Variants in EPHA6 observed in about 807,000 individuals in gnomAD.
EPHA6 encodes EPH receptor A6, also known as ephrin type-A receptor 6.
Under a neutral mutation model 112.0 loss-of-function variants are expected in EPHA6, and 50 were observed. That is an observed-to-expected ratio of 0.45 (90% CI 0.36 to 0.56). EPHA6 has a LOEUF of 0.56. EPHA6 is among the 20% of genes least tolerant of loss of function. EPHA6 has a pLI of 0.00. For synonymous variants in EPHA6, 529 were observed against 490.7 expected (o/e 1.08, Z -1.03); for missense variants, 1,280 against 1,417.4 (o/e 0.90, Z 1.56).
At chr3:96,913,673 G>T (rs2039344723) in intron 2 of EPHA6, among the ~76,000 whole-genome samples, 1 of 152,018 alleles carries the variant, frequency 6.6e-6, no homozygotes. Context: ...CAAAGTGTCT[G>T]GTTTATTGCT....
At position 97,735,969 on chromosome 3, in the gene EPHA6, G is replaced by A. The variant is rs1471756525; in HGVS notation, c.2979G>A (p.Met993Ile). The A allele has an allele frequency of 6.2e-7, 1 of 1,612,364 alleles. No homozygotes were observed. The change falls in exon 16 of 18, where the codon ATG (methionine) becomes ATA (isoleucine). Residue 993 changes from methionine (M) to isoleucine (I), a missense_variant. Around this residue, in one of 4 missense-constraint regions of EPHA6, gnomAD observed 37 missense variants for 92.9 expected, o/e 0.40. Transcript: ENST00000389672. The part of the protein sequence containing the change: ...IEEGYRLPAP[M>I]GCPASLHQLM... ...AAGGGTACAGACTTCCAGCTCCCATGGGCTGTCCAGCATCTCTACACCAGC... is the reference window on the plus strand; with the variant it reads ...AAGGGTACAGACTTCCAGCTCCCATAGGCTGTCCAGCATCTCTACACCAGC...
intron 11 of EPHA6, among the ~76,000 whole-genome samples, chr3:97,584,655 C>T (rs1379353563): frequency 6.6e-6 from 1 of 152,108 alleles, no homozygotes; most frequent in Non-Finnish European, 1.5e-5. Flanking sequence ...AAGTTCTCTC[C>T]AGCTATGTCA....
At chr3:97,610,764 T>A (rs778078699) in intron 12 of EPHA6, 29 bp from the exon 13 acceptor site, 1 of 1,582,986 alleles carries the variant, frequency 6.3e-7, no homozygotes, top group Non-Finnish European at 8.7e-7. Flanking sequence ...ATTGCTCTAA[T>A]CCATGTGTAT....
chr3:97,627,621 T>G (rs1412259745), intron 13 of EPHA6, among the ~76,000 whole-genome samples: 1 of 151,862 alleles, frequency 6.6e-6, no homozygotes, highest in Non-Finnish European at 1.5e-5. Context: ...ATGTTATCCC[T>G]TCACAATTAT....
chr3:97,432,681 G>A (rs926114151), intron 6 of EPHA6, among the ~76,000 whole-genome samples: 4 of 152,152 alleles, frequency 2.6e-5, no homozygotes, highest in Non-Finnish European at 5.9e-5. Flanking sequence ...GTTCCACATG[G>A]CTGGCAAGGC....
At chr3:97,269,396 C>T (rs1467463136) in intron 5 of EPHA6, among the ~76,000 whole-genome samples, 7 of 152,274 alleles carry the variant, frequency 4.6e-5, no homozygotes, top group Middle Eastern at 3.4e-3. Flanking sequence ...TTTCTATGGG[C>T]TGTTTCTCAA....
intron 11 of EPHA6, among the ~76,000 whole-genome samples, chr3:97,555,725 C>A (rs951452155): frequency 3.9e-5 from 6 of 152,070 alleles, no homozygotes; most frequent in African/African-American, 1.4e-4. Context: ...TAAGTGTCTT[C>A]TTTTGAGAAG....
chr3:97,015,021 CCAA>C (rs1192841698), intron 3 of EPHA6, among the ~76,000 whole-genome samples: 14 of 152,046 alleles, frequency 9.2e-5, no homozygotes, highest in Admixed American at 9.2e-4. Context: ...GAACCCTCCA[CCAA>C]CAAGTAAATT....
At chr3:96,971,866 C>T (rs1361522735) in intron 2 of EPHA6, among the ~76,000 whole-genome samples, 1 of 152,008 alleles carries the variant, frequency 6.6e-6, no homozygotes, top group Admixed American at 6.6e-5. Flanking sequence ...GATTTTATTT[C>T]CCTTTTTGGC....
intron 14 of EPHA6, among the ~76,000 whole-genome samples, chr3:97,669,140 C>T (rs2030506551): frequency 6.6e-6 from 1 of 151,894 alleles, no homozygotes; most frequent in Admixed American, 6.6e-5. Context: ...TAACTGTAGG[C>T]TCTGAAGTAA....
chr3:96,875,013 T>G (rs2036862926), intron 2 of EPHA6, among the ~76,000 whole-genome samples: 2 of 152,074 alleles, frequency 1.3e-5, no homozygotes, highest in Non-Finnish European at 2.9e-5. Context: ...ATTAAGGTAG[T>G]TAGCACCTGT....
At chr3:97,111,151 G>A (rs1048006095) in intron 3 of EPHA6, among the ~76,000 whole-genome samples, 5 of 152,182 alleles carry the variant, frequency 3.3e-5, no homozygotes, top group African/African-American at 4.8e-5. Flanking sequence ...ACACACCTAA[G>A]ATGTTTTCAT....
At chr3:97,263,436 TACACACACAC>T (rs34479594) in intron 5 of EPHA6, among the ~76,000 whole-genome samples, 1 of 142,242 alleles carries the variant, frequency 7.0e-6, no homozygotes, top group East Asian at 2.0e-4. Flanking sequence ...ATTAAAGGGA[TACACACACAC>T]ACACACACAC....
At chr3:97,619,439 G>T (rs1055046636) in intron 13 of EPHA6, among the ~76,000 whole-genome samples, 2 of 148,620 alleles carry the variant, frequency 1.3e-5, no homozygotes, top group African/African-American at 2.4e-5. Flanking sequence ...AAAAAGGGGG[G>T]GGGGGGCATC....
chr3:97,278,588 C>A (rs1227141314), intron 5 of EPHA6, among the ~76,000 whole-genome samples: 1 of 152,152 alleles, frequency 6.6e-6, no homozygotes, highest in Non-Finnish European at 1.5e-5. Context: ...TGGAGGATAG[C>A]AAAGATCATC....
intron 5 of EPHA6, among the ~76,000 whole-genome samples, chr3:97,306,356 AC>A (rs1464166218): frequency 6.9e-6 from 1 of 145,346 alleles, no homozygotes; most frequent in Non-Finnish European, 1.5e-5. Flanking sequence ...AGCATTCTCC[AC>A]TTGACGGTTT....
At chr3:96,906,523 C>G (rs1359029810) in intron 2 of EPHA6, among the ~76,000 whole-genome samples, 1 of 152,060 alleles carries the variant, frequency 6.6e-6, no homozygotes, top group Non-Finnish European at 1.5e-5. Flanking sequence ...CATTGTATTA[C>G]AGATAAGGCA....
chr3:97,144,693 GTCTT>G (rs1324168915), intron 3 of EPHA6, among the ~76,000 whole-genome samples: 4 of 150,952 alleles, frequency 2.6e-5, no homozygotes, highest in Admixed American at 6.6e-5. Flanking sequence ...TCTTCATTAC[GTCTT>G]TCTTAGTGTG....
intron 5 of EPHA6, among the ~76,000 whole-genome samples, chr3:97,263,529 T>TA (rs5851059): frequency 0.015 from 2,206 of 151,458 alleles, 118 homozygotes; most frequent in Admixed American, 0.1. Context: ...TTTCTTAACT[T>TA]ACAATAATAT....
Sources: allele counts gnomAD v4.1 joint callset (sites outside exome capture counted in the v4.1 genomes callset), GRCh38; gene constraint gnomAD v4.1.1; regional missense constraint gnomAD v4.1.1; transcripts MANE v1.5; gene names NCBI Gene and HGNC (gene_info 2026-07-23, HGNC 2026-07-21).